Variants in AMN observed in about 807,000 individuals in gnomAD.
AMN encodes amnion associated transmembrane protein, also known as protein amnionless.
AMN carries 40 observed loss-of-function variants against 49.1 expected under a neutral mutation model. That is an observed-to-expected ratio of 0.81 (90% confidence interval 0.63 to 1.06). The LOEUF (loss-of-function observed/expected upper bound fraction) is 1.06, where lower values mean the gene tolerates loss of function less well. Ranked by LOEUF, AMN falls within the 50% of genes least tolerant of loss-of-function variation. The pLI is 0.00. For missense variants in AMN, 701 were observed against 662.8 expected (o/e 1.06, Z -0.63); for synonymous variants, 380 against 313.3 (o/e 1.21, Z -2.25).
intron 3 of AMN, among the ~76,000 whole-genome samples, chr14:102,925,182 C>A (rs1891157940): frequency 6.6e-6 from 1 of 152,240 alleles, no homozygotes. Flanking sequence ...TCAGTCACTC[C>A]TGAGTGAGGG....
Position 102,930,691 on chromosome 14 carries a change from G to C in AMN, c.*11G>C. The C allele has an allele frequency of 6.4e-7, 1 of 1,568,744 alleles. No homozygotes were observed. The highest frequency in any genetic ancestry group is 1.9e-5 in the Admixed American group (1 of 53,894). ...GAGGCCGAGGCCTGAGCGGCCGCCT[G>C]ACCGTCGACCTTGGGGCTCTCCACC... On this transcript the variant is annotated 3_prime_UTR_variant, in exon 12 of 12. Coordinates refer to ENST00000299155, the MANE Select transcript of AMN (RefSeq NM_030943.4).
In AMN at chr14:102,929,243, C is replaced by G. The variant is rs1450517134; in HGVS notation, c.636C>G (p.Val212=). The part of the protein sequence containing the change: ...PEDCADPSGC[V]CGNAEAQPWI... The stretch of plus-strand genomic sequence containing the variant: ...ACTGCGCGGACCCGTCGGGCTGCGT[C>G]TGCGGCAACGCGGAGGTGAGCGAGG... The change falls in exon 6 of 12, where the codon GTC becomes GTG. Residue 212 remains valine, a synonymous_variant. Coordinates refer to ENST00000299155, the MANE Select transcript of AMN (RefSeq NM_030943.4). 6.7e-7 allele frequency: 1 copy of G among 1,502,570 alleles called. No homozygotes were observed. The highest frequency in any genetic ancestry group is 8.8e-7 in the Non-Finnish European group (1 of 1,136,270). 93.1% of individuals were successfully genotyped at this position (1,502,570 alleles called of 1,614,324 possible).
chr14:102,928,778 G>C lies in AMN; in HGVS notation c.316G>C (p.Asp106His). Residue 106 changes from aspartate to histidine, a missense_variant, in exon 5 of 12, where the codon GAC becomes CAC. Asp to His is a moderately conservative substitution (Grantham distance 81). Transcript: ENST00000299155. ...CTCAGGCGAACCTGCCGTCTTCCGC[G>C]ACTCTGACCGCTTCTCCTGGCATGA... The part of the protein sequence containing the change: ...CGAGEPAVFR[D>H]SDRFSWHDPH... 1 of 1,608,574 alleles carries C rather than the reference G, an allele frequency of 6.2e-7. No homozygotes were observed.
In AMN at chr14:102,923,840, GCGC is replaced by G; in HGVS notation, c.162+14_162+16del. On this transcript the variant is annotated intron_variant, in intron 2 of 11. Transcript: ENST00000299155. The stretch of plus-strand genomic sequence containing the variant: ...TTCCCGGCGGACAAGGTGCCTGGGA[GCGC>G]CGGCGGGGTCGGTGATGGGCCTGGA... 6.2e-7 allele frequency: 1 copy of G among 1,612,550 alleles called. No homozygotes were observed. The highest frequency in any genetic ancestry group is 8.5e-7 in the Non-Finnish European group (1 of 1,179,756).
chr14:102,930,036 G>A lies in AMN; in HGVS notation c.956G>A (p.Gly319Asp). The A allele has an allele frequency of 6.5e-7, 1 of 1,549,918 alleles. No homozygotes were observed. The highest frequency in any genetic ancestry group is 8.7e-7 in the Non-Finnish European group (1 of 1,147,788). ...VVLVENGPET[G>D]GAGRLARALL... ...CTGGTGGAGAATGGGCCCGAGACAG[G>A]CGGAGCGGGGCGGCTGGCCCGGGCC... Residue 319 changes from glycine to aspartate, a missense_variant, in exon 9 of 12, where the codon GGC becomes GAC. Physicochemically the swap from Gly to Asp is moderately conservative, Grantham distance 94. Coordinates refer to ENST00000299155, the MANE Select transcript of AMN (RefSeq NM_030943.4).
At position 102,929,186 on chromosome 14, in the gene AMN, C is replaced by T. The variant is rs1450516172; in HGVS notation, c.579C>T (p.His193=). The T allele has an allele frequency of 1.3e-6, 2 of 1,592,846 alleles. No individual in the cohort carries two copies. The highest frequency in any genetic ancestry group is 3.4e-5 in the Admixed American group (2 of 59,570). ...LASRAGRLRF[H]GPGALSVGPE... Reference sequence around the variant, plus strand: ...CCCGCGCGGGCCGCCTACGCTTCCACGGGCCGGGCGCGCTGAGCGTGGGCC... The same window carrying T: ...CCCGCGCGGGCCGCCTACGCTTCCATGGGCCGGGCGCGCTGAGCGTGGGCC... The change falls in exon 6 of 12, where the codon CAC becomes CAT. Residue 193 remains histidine (H), a synonymous_variant. Transcript: ENST00000299155.
rs759277005 is a variant in AMN, at chr14:102,930,703, T to G, written c.*23T>G. ...TGAGCGGCCGCCTGACCGTCGACCT[T>G]GGGGCTCTCCACCCGCTCTGGCCCC... is the stretch of plus-strand genomic sequence containing the variant. On this transcript the variant is annotated 3_prime_UTR_variant, in exon 12 of 12. Transcript: ENST00000299155. The G allele has an allele frequency of 2.6e-6, 4 of 1,559,888 alleles. No homozygotes were observed. The highest frequency in any genetic ancestry group is 1.4e-5 in the African/African-American group (1 of 73,520).
chr14:102,923,031 G>A (rs1891095899), intron 1 of AMN: 1 of 430,500 alleles, frequency 2.3e-6, no homozygotes, highest in Non-Finnish European at 4.2e-6. Flanking sequence ...AAATGGGCGC[G>A]GTCCCCAGAA....
At chr14:102,924,380 C>T (rs1215586859) in intron 3 of AMN, among the ~76,000 whole-genome samples, 1 of 152,178 alleles carries the variant, frequency 6.6e-6, no homozygotes, top group Non-Finnish European at 1.5e-5. Context: ...GGGTCCCTGG[C>T]CTGTTAGGAA....
intron 4 of AMN, 64 bp from the exon 5 acceptor site, chr14:102,928,694 C>T (rs1003920333): frequency 7.7e-6 from 12 of 1,549,686 alleles, no homozygotes; most frequent in South Asian, 4.6e-5. Context: ...CGTGGCGTGG[C>T]GTGGCGTGGC....
rs890711698 is a variant in AMN at position 102,930,126 on chromosome 14, C to T, written c.1007-39C>T. The T allele has an allele frequency of 5.1e-5, 77 of 1,501,834 alleles. No homozygotes were observed. In the East Asian group the frequency reaches 1.9e-3, roughly 37 times the overall value. 93.0% of individuals were successfully genotyped at this position (1,501,834 alleles called of 1,614,324 possible). On this transcript the variant is annotated intron_variant, in intron 9 of 11. Transcript: ENST00000299155. ...CCCATCCCGCCCCGCCGCGCCTCGC[C>T]CCGCCGCGGGGAAGACTGAGCCGGC... is the stretch of plus-strand genomic sequence containing the variant.
At chr14:102,926,662 G>A (rs1468490225) in intron 3 of AMN, among the ~76,000 whole-genome samples, 2 of 144,626 alleles carry the variant, frequency 1.4e-5, no homozygotes, top group Non-Finnish European at 3.0e-5. Context: ...TCTCGGCTCA[G>A]TGCAACCTCT....
At position 102,923,714 on chromosome 14, in the gene AMN, T is replaced by C; in HGVS notation, c.47T>C (p.Leu16Pro). Residue 16 changes from leucine (L) to proline (P), a missense_variant, in exon 2 of 12, where the codon CTG becomes CCG. Coordinates refer to ENST00000299155, the MANE Select transcript of AMN (RefSeq NM_030943.4). ...CACTCAGTCGCCTCCTCCCCAGCACTGACCCAGGCGGTCTCCAAACTCTGG... is the reference window on the plus strand; with the variant it reads ...CACTCAGTCGCCTCCTCCCCAGCACCGACCCAGGCGGTCTCCAAACTCTGG... The part of the protein sequence containing the change: ...RVLLWLQLCA[L>P]TQAVSKLWVP... 1 of 1,612,496 alleles carries C rather than the reference T, an allele frequency of 6.2e-7. No homozygotes were observed. The highest frequency in any genetic ancestry group is 8.5e-7 in the Non-Finnish European group (1 of 1,179,598).
chr14:102,930,366 G>A, intron 10 of AMN, 39 bp downstream of exon 10: 1 of 1,476,374 alleles, frequency 6.8e-7, no homozygotes, highest in Non-Finnish European at 8.9e-7. Flanking sequence ...GCTGGGGGTT[G>A]CTCCGAGGGG....
At chr14:102,924,352 C>A (rs1046614849) in intron 3 of AMN, among the ~76,000 whole-genome samples, 1 of 151,906 alleles carries the variant, frequency 6.6e-6, no homozygotes, top group Non-Finnish European at 1.5e-5. Context: ...CCAACACCCC[C>A]CCCTCTACCC....
At chr14:102,924,121 T>C in intron 3 of AMN, 142 bp downstream of exon 3, 3 of 1,194,652 alleles carry the variant, frequency 2.5e-6, no homozygotes, top group Non-Finnish European at 3.6e-6. Context: ...GAGAATATTC[T>C]AGGAGGCAGG....
At chr14:102,925,107 C>T (rs1891156832) in intron 3 of AMN, among the ~76,000 whole-genome samples, 1 of 152,252 alleles carries the variant, frequency 6.6e-6, no homozygotes, top group South Asian at 2.1e-4. Context: ...CAAAAGCTTC[C>T]TTCCAGCCCC....
chr14:102,928,818 G>C lies in AMN; in HGVS notation c.356G>C (p.Arg119Pro), dbSNP rs533436439. Residue 119 changes from arginine to proline, a missense_variant, in exon 5 of 12, where the codon CGC becomes CCC. Arg to Pro is a moderately radical substitution (Grantham distance 103, BLOSUM62 -2). Coordinates refer to ENST00000299155, the MANE Select transcript of AMN (RefSeq NM_030943.4). ...TCCTGGCATGACCCGCACCTGTGGC[G>C]CTCTGGGGACGAGGCACCTGGCCTC... ...RFSWHDPHLW[R>P]SGDEAPGLFF... 6.2e-7 allele frequency: 1 copy of C among 1,607,486 alleles called. No homozygotes were observed. The highest frequency in any genetic ancestry group is 2.2e-5 in the East Asian group (1 of 44,872).
At chr14:102,929,039 C>T in intron 5 of AMN, 64 bp downstream of exon 5, 1 of 1,595,750 alleles carries the variant, frequency 6.3e-7, no homozygotes, top group East Asian at 2.2e-5. Context: ...CCCGCCCCTC[C>T]TGGTCTGCAC....
Sources: gnomAD v4.1 joint callset for allele counts (sites outside exome capture counted in the v4.1 genomes callset) on GRCh38, gnomAD v4.1.1 for gene constraint, MANE v1.5 for transcripts, NCBI Gene and HGNC (gene_info 2026-07-23, HGNC 2026-07-21) for gene names.